CCNY: variants seen among roughly 807,000 people sequenced by gnomAD.
The protein encoded by CCNY is cyclin Y, also known as cyclin-Y.
Under a neutral mutation model 42.8 loss-of-function variants are expected in CCNY, and 19 were observed. The observed-to-expected ratio is 0.44, with a 90% CI of 0.31 to 0.65. CCNY has a LOEUF of 0.65. Among genes scored for constraint, CCNY ranks in the 30% least tolerant of loss-of-function variants. The pLI, the probability that CCNY is intolerant of heterozygous loss-of-function variation, is 0.07. For synonymous variants in CCNY, 165 were observed against 162.7 expected (o/e 1.01, Z -0.11); for missense variants, 370 against 437.3 (o/e 0.85, Z 1.37).
chr10:35,252,082 G>C (rs1343097385), intron 3 of CCNY, among the ~76,000 whole-genome samples: 1 of 152,118 alleles, frequency 6.6e-6, no homozygotes, highest in Non-Finnish European at 1.5e-5. Flanking sequence ...GATACTGCTG[G>C]ACACTGATAT....
upstream of CCNY, chr10:35,335,924 A>ACACC (rs1554777639): frequency 1.7e-4 from 12 of 70,312 alleles, no homozygotes; most frequent in African/African-American, 6.5e-4. Context: ...ACACACACAC[A>ACACC]CACCTTAGCC....
At chr10:35,266,609 T>G (rs549474546) in intron 3 of CCNY, among the ~76,000 whole-genome samples, 2 of 152,252 alleles carry the variant, frequency 1.3e-5, no homozygotes, top group Admixed American at 1.3e-4. Context: ...GAACAGAATG[T>G]AACAAGAGCC....
intron 7 of CCNY, among the ~76,000 whole-genome samples, chr10:35,533,670 C>G (rs543421094): frequency 5.9e-5 from 9 of 152,362 alleles, no homozygotes; most frequent in African/African-American, 1.9e-4. Flanking sequence ...CTGCACCGCA[C>G]TCCCTGCTCA....
At chr10:35,353,729 C>G (rs564782045) in intron 1 of CCNY, among the ~76,000 whole-genome samples, 68 of 152,296 alleles carry the variant, frequency 4.5e-4, no homozygotes, top group African/African-American at 1.6e-3. Context: ...AAAAGTTTCT[C>G]AAGAAGAAAT....
intron 1 of CCNY, among the ~76,000 whole-genome samples, chr10:35,479,295 G>A (rs377472730): frequency 9.4e-5 from 14 of 148,232 alleles, no homozygotes; most frequent in Admixed American, 1.4e-4. Flanking sequence ...TGCTATAAAG[G>A]CACATGCACA....
intron 3 of CCNY, among the ~76,000 whole-genome samples, chr10:35,292,364 T>G (rs933081009): frequency 6.6e-6 from 1 of 152,206 alleles, no homozygotes; most frequent in Non-Finnish European, 1.5e-5. Context: ...TTTTAATTTT[T>G]TTATTTTTAT....
chr10:35,281,944 A>C (rs1265166930), intron 3 of CCNY, among the ~76,000 whole-genome samples: 1 of 152,096 alleles, frequency 6.6e-6, no homozygotes, highest in Non-Finnish European at 1.5e-5. Context: ...TCTTAATCTC[A>C]TGGTTAATTT....
intron 3 of CCNY, among the ~76,000 whole-genome samples, chr10:35,252,428 T>C (rs2095712590): frequency 6.6e-6 from 1 of 151,900 alleles, no homozygotes; most frequent in African/African-American, 2.4e-5. Context: ...TAGCCAGGCG[T>C]GGTGGCTGGC....
At position 35,267,083 on chromosome 10, in the gene CCNY, C is replaced by CAAAA. The variant is rs34140857; in HGVS notation, c.-9+16471_-9+16474dup. ...GTGGATAAGAGTGAGACTTCTGTCT[C>CAAAA]AAAAAAAAAAAAAAAAATGACCTAC... On this transcript the variant is annotated intron_variant, in intron 3 of 11. Transcript: ENST00000374706. 9.4e-5 allele frequency among the ~76,000 whole-genome samples: 10 copies of CAAAA among 106,656 alleles called. 1 individual carries two copies. Among genetic ancestry groups the CAAAA allele is most frequent in the East Asian group, 2.9e-4 (1 of 3,402 alleles). 70.0% of individuals were successfully genotyped at this position (106,656 alleles called of 152,430 possible). A position where few individuals can be genotyped will look rare whatever the true frequency, so the allele number is the denominator to read the frequency against.
upstream of CCNY, chr10:35,336,366 A>T (rs960009161): frequency 1.6e-4 from 24 of 151,910 alleles, no homozygotes; most frequent in African/African-American, 5.8e-4. Context: ...CCCGGGAGCG[A>T]TCCCACAACC....
chr10:35,491,247 A>G (rs974808772), intron 2 of CCNY, among the ~76,000 whole-genome samples: 1 of 152,116 alleles, frequency 6.6e-6, no homozygotes, highest in African/African-American at 2.4e-5. Context: ...TAGTCACATA[A>G]TCTCTTGGGT....
intron 1 of CCNY, among the ~76,000 whole-genome samples, chr10:35,401,394 C>A (rs529161708): frequency 5.1e-4 from 78 of 152,294 alleles, no homozygotes; most frequent in African/African-American, 1.9e-3. Flanking sequence ...AGGAGGATCA[C>A]AAAACACTTT....
chr10:35,373,339 A>G (rs1033591274), intron 1 of CCNY, among the ~76,000 whole-genome samples: 5 of 152,226 alleles, frequency 3.3e-5, no homozygotes, highest in South Asian at 2.1e-4. Context: ...TTAGTAGACC[A>G]TGCTGCAGCT....
chr10:35,270,946 C>T (rs189042185), intron 3 of CCNY, among the ~76,000 whole-genome samples: 4 of 151,916 alleles, frequency 2.6e-5, no homozygotes, highest in Admixed American at 6.6e-5. Context: ...GGGATGGTCT[C>T]GATCTCCTGA....
intron 1 of CCNY, among the ~76,000 whole-genome samples, chr10:35,361,329 A>G (rs567327860): frequency 6.0e-4 from 91 of 152,338 alleles, no homozygotes; most frequent in African/African-American, 2.0e-3. Flanking sequence ...CCTCTAAACA[A>G]TCTTCTAAAA....
chr10:35,538,102 T>G (rs918756923), intron 7 of CCNY, among the ~76,000 whole-genome samples: 1 of 152,208 alleles, frequency 6.6e-6, no homozygotes, highest in Admixed American at 6.5e-5. Flanking sequence ...TCCTTTCCCT[T>G]GGCTCTCATT....
intron 8 of CCNY, among the ~76,000 whole-genome samples, chr10:35,563,710 A>T (rs1192176865): frequency 6.6e-6 from 1 of 152,192 alleles, no homozygotes; most frequent in South Asian, 2.1e-4. Flanking sequence ...ATTATTATTT[A>T]TTTATTTATT....
At chr10:35,393,353 G>A (rs745674584) in intron 1 of CCNY, among the ~76,000 whole-genome samples, 2 of 152,312 alleles carry the variant, frequency 1.3e-5, no homozygotes, top group Non-Finnish European at 2.9e-5. Context: ...GTGGTGTCCT[G>A]TGTTTTTTAT....
intron 3 of CCNY, among the ~76,000 whole-genome samples, chr10:35,285,140 C>T (rs1465064106): frequency 3.9e-5 from 6 of 152,026 alleles, no homozygotes; most frequent in East Asian, 1.9e-4. Flanking sequence ...CTCAGCCTTC[C>T]GAGTAGCTGG....
Sources: allele counts gnomAD v4.1 joint callset (sites outside exome capture counted in the v4.1 genomes callset), GRCh38; gene constraint gnomAD v4.1.1; transcripts MANE v1.5; gene names NCBI Gene and HGNC (gene_info 2026-07-23, HGNC 2026-07-21).